Variants in CSMD2 observed in about 807,000 individuals in gnomAD.
CSMD2 encodes CUB and Sushi multiple domains 2.
CSMD2 carries 130 observed loss-of-function variants against 398.5 expected under a neutral mutation model. The observed-to-expected ratio is 0.33, with a 90% CI of 0.28 to 0.38. CSMD2 has a LOEUF of 0.38. CSMD2 is among the 10% of genes least tolerant of loss of function. The pLI is 1.00. For missense variants in CSMD2, 3,829 were observed against 4,764.9 expected, an observed-to-expected ratio of 0.80 and a Z score of 5.78; for synonymous variants, 1,828 against 1,908.5, an observed-to-expected ratio of 0.96 and a Z score of 1.10.
At chr1:33,654,973 T>G (rs923998053) in intron 27 of CSMD2, among the ~76,000 whole-genome samples, 1 of 152,254 alleles carries the variant, frequency 6.6e-6, no homozygotes, top group Non-Finnish European at 1.5e-5. Context: ...TTCTAGATAG[T>G]TCCATGGCAT....
intron 13 of CSMD2, among the ~76,000 whole-genome samples, chr1:33,753,228 T>C (rs1465813036): frequency 1.3e-5 from 2 of 152,200 alleles, no homozygotes; most frequent in Non-Finnish European, 2.9e-5. Flanking sequence ...ATTTCAGCAA[T>C]CTTTGCAGCA....
intron 5 of CSMD2, among the ~76,000 whole-genome samples, chr1:33,914,734 G>C (rs1435055526): frequency 6.6e-6 from 1 of 152,082 alleles, no homozygotes; most frequent in Non-Finnish European, 1.5e-5. Flanking sequence ...GTATACTGTT[G>C]GCCACTCCAG....
At chr1:33,711,252 A>G (rs1645978287) in intron 21 of CSMD2, among the ~76,000 whole-genome samples, 1 of 152,200 alleles carries the variant, frequency 6.6e-6, no homozygotes, top group Admixed American at 6.5e-5. Flanking sequence ...CAGTCATATC[A>G]CATGGGCAGC....
chr1:34,141,383 C>T (rs771150), intron 1 of CSMD2, among the ~76,000 whole-genome samples: 109,757 of 152,004 alleles, frequency 0.72, 42,189 homozygotes, highest in Non-Finnish European at 0.85. Flanking sequence ...AAAATGCATA[C>T]ATCCTATGTT....
chr1:33,737,871 T>G (rs1451970855), intron 15 of CSMD2, among the ~76,000 whole-genome samples: 1 of 152,216 alleles, frequency 6.6e-6, no homozygotes. Flanking sequence ...GAGGACTTAC[T>G]TTATACCAGG....
intron 3 of CSMD2, among the ~76,000 whole-genome samples, chr1:33,937,526 A>G (rs1218391671): frequency 2.0e-5 from 3 of 152,126 alleles, no homozygotes; most frequent in African/African-American, 7.2e-5. Flanking sequence ...TCTTCCTGCC[A>G]ATGTTGCTGT....
At chr1:34,102,588 C>A (rs1660064713) in intron 1 of CSMD2, among the ~76,000 whole-genome samples, 1 of 84,152 alleles carries the variant, frequency 1.2e-5, no homozygotes, top group Non-Finnish European at 3.0e-5. Context: ...AGCCATATCC[C>A]TGTAATCCGG....
chr1:34,146,776 A>G (rs1176293605), intron 1 of CSMD2, among the ~76,000 whole-genome samples: 1 of 152,116 alleles, frequency 6.6e-6, no homozygotes, highest in Non-Finnish European at 1.5e-5. Flanking sequence ...TGGGCCACAA[A>G]AGTTTGGGAG....
chr1:33,558,971 T>G (rs151135472), intron 54 of CSMD2, among the ~76,000 whole-genome samples: 2 of 152,360 alleles, frequency 1.3e-5, no homozygotes, highest in East Asian at 3.9e-4. Context: ...CTAGATCTCT[T>G]GTTTATGTGA....
At chr1:33,960,995 C>T (rs983121227) in intron 3 of CSMD2, among the ~76,000 whole-genome samples, 1 of 152,210 alleles carries the variant, frequency 6.6e-6, no homozygotes, top group Non-Finnish European at 1.5e-5. Flanking sequence ...TTTCTGACTC[C>T]ATCTCCTACC....
At position 33,739,170 on chromosome 1, in the gene CSMD2, C is replaced by G. The variant is rs765189993; in HGVS notation, c.2338G>C (p.Val780Leu). 6.2e-7 allele frequency: 1 copy of G among 1,614,048 alleles called. No individual in the cohort carries two copies. Among genetic ancestry groups the G allele is most frequent in the South Asian group, 1.1e-5 (1 of 91,048 alleles). The change falls in exon 15 of 71, where the codon GTC (valine) becomes CTC (leucine). Residue 780 changes from valine (V) to leucine (L), a missense_variant. Coordinates refer to ENST00000373381, the MANE Select transcript of CSMD2 (RefSeq NM_001281956.2). ...ITCVLKEGSV[V>L]WNSAVLRCEA... ...CACCGCAGCACAGCGCTGTTCCAGA[C>G]CACGCTGCCCTCCTTCAGGACGCAG...
At chr1:33,575,504 G>T (rs1659988546) in intron 49 of CSMD2, among the ~76,000 whole-genome samples, 2 of 152,136 alleles carry the variant, frequency 1.3e-5, no homozygotes, top group Non-Finnish European at 2.9e-5. Context: ...ACGGAACTAG[G>T]ATTCCAGAGA....
chr1:33,554,034 A>G (rs1246430794), intron 55 of CSMD2, among the ~76,000 whole-genome samples: 1 of 152,168 alleles, frequency 6.6e-6, no homozygotes, highest in Non-Finnish European at 1.5e-5. Flanking sequence ...ATGACGTTTA[A>G]GGAAAGAGGC....
At chr1:34,071,834 A>T (rs1655762897) in intron 2 of CSMD2, among the ~76,000 whole-genome samples, 3 of 152,270 alleles carry the variant, frequency 2.0e-5, no homozygotes, top group Admixed American at 2.0e-4. Context: ...ACCTACGTAG[A>T]GTAGAAAGAA....
intron 25 of CSMD2, among the ~76,000 whole-genome samples, chr1:33,669,412 C>T (rs2583454): frequency 0.032 from 4,886 of 152,276 alleles, 253 homozygotes; most frequent in African/African-American, 0.11. Flanking sequence ...ATCAGGACCA[C>T]GTCTATCTTT....
At chr1:33,756,779 C>G (rs1412688065) in intron 13 of CSMD2, among the ~76,000 whole-genome samples, 1 of 152,138 alleles carries the variant, frequency 6.6e-6, no homozygotes, top group South Asian at 2.1e-4. Context: ...ACTAGAAATA[C>G]CATTTGACCC....
At chr1:33,994,769 G>A (rs1336248959) in intron 3 of CSMD2, among the ~76,000 whole-genome samples, 1 of 152,086 alleles carries the variant, frequency 6.6e-6, no homozygotes, top group Non-Finnish European at 1.5e-5. Flanking sequence ...GGTTTACGTA[G>A]CTAAGCAGTA....
At chr1:34,037,227 GGCTTTGA>G (rs1651253967) in intron 2 of CSMD2, among the ~76,000 whole-genome samples, 1 of 152,074 alleles carries the variant, frequency 6.6e-6, no homozygotes, top group Non-Finnish European at 1.5e-5. Context: ...CCCTGGATTG[GGCTTTGA>G]GCTTTGTCTT....
intron 10 of CSMD2, among the ~76,000 whole-genome samples, chr1:33,801,926 TG>T (rs1655656410): frequency 6.6e-6 from 1 of 152,144 alleles, no homozygotes; most frequent in Admixed American, 6.5e-5. Context: ...AAGAAGGAAT[TG>T]CATTGTTGAC....
Sources: gnomAD v4.1 joint callset for allele counts (sites outside exome capture counted in the v4.1 genomes callset) on GRCh38, gnomAD v4.1.1 for gene constraint, MANE v1.5 for transcripts, NCBI Gene and HGNC (gene_info 2026-07-23, HGNC 2026-07-21) for gene names.